The following ZNF362 variants were observed in gnomAD, a reference collection of about 807,000 sequenced individuals.
ZNF362 encodes rotund homolog.
ZNF362 carries 11 observed loss-of-function variants against 42.9 expected under a neutral mutation model. That is an observed-to-expected ratio of 0.26 (90% CI 0.16 to 0.42). ZNF362 has a LOEUF of 0.42. ZNF362 is among the 20% of genes least tolerant of loss of function. ZNF362 has a pLI of 1.00. For missense variants in ZNF362, 362 were observed against 576.2 expected, an observed-to-expected ratio of 0.63 and a Z score of 3.81; for synonymous variants, 255 against 257.3, an observed-to-expected ratio of 0.99 and a Z score of 0.09.
the ZNF362 span, among the ~76,000 whole-genome samples, chr1:33,196,646 C>T: frequency 6.6e-6 from 1 of 152,006 alleles, no homozygotes; most frequent in Non-Finnish European, 1.5e-5. Context: ...AGAAGGAGTA[C>T]ACTTTAAAAT....
the ZNF362 span, among the ~76,000 whole-genome samples, chr1:33,249,446 C>A: frequency 6.6e-6 from 1 of 152,204 alleles, no homozygotes; most frequent in Admixed American, 6.5e-5. Context: ...TCCTGCTCAG[C>A]TCATGGACAG....
chr1:33,249,138 G>T, the ZNF362 span, among the ~76,000 whole-genome samples: 44 of 152,258 alleles, frequency 2.9e-4, no homozygotes, highest in Non-Finnish European at 5.6e-4. Context: ...ATGGTAGAAG[G>T]TCACCCTCAG....
rs541274990 is a variant in ZNF362 at position 33,266,606 on chromosome 1, C to T, written c.-88-3881C>T. Among the ~76,000 whole-genome samples, 1 of 152,276 alleles carries T rather than the reference C, an allele frequency of 6.6e-6. No individual in the cohort carries two copies. The highest frequency in any genetic ancestry group is 2.1e-4 in the South Asian group (1 of 4,828). ...TTGGGGTAGGGGTTGTAACTAAGAA[C>T]CAGACCAAGCCCTGCTTTTGGGGAG... On this transcript the variant is annotated intron_variant, in intron 1 of 8. Coordinates refer to ENST00000539719, the MANE Select transcript of ZNF362 (RefSeq NM_152493.3). This position sits in a 1 kb window ranked among gnomAD's most constrained non-coding sequence, Gnocchi z 4.3.
At chr1:33,256,841 G>GGCGGCGGCA (rs1465638945) in intron 1 of ZNF362, among the ~76,000 whole-genome samples, 187 bp downstream of exon 1, 1 of 147,632 alleles carries the variant, frequency 6.8e-6, no homozygotes, top group Non-Finnish European at 1.5e-5. Flanking sequence ...CGGCGGCGGC[G>GGCGGCGGCA]GCGGCAGCGG....
chr1:33,160,711 T>C, the ZNF362 span, among the ~76,000 whole-genome samples: 1 of 152,160 alleles, frequency 6.6e-6, no homozygotes, highest in Non-Finnish European at 1.5e-5. Context: ...GGCTGAAGTC[T>C]TTATTTTAAA....
intron 1 of ZNF362, chr1:33,261,794 G>A (rs1403008503): frequency 6.6e-6 from 1 of 152,250 alleles, no homozygotes; most frequent in African/African-American, 2.4e-5. Flanking sequence ...AACTGAAGTG[G>A]GAAGGGAGAG....
At chr1:33,255,978 C>T (rs377701180), upstream of ZNF362, among the ~76,000 whole-genome samples, 1 of 151,612 alleles carries the variant, frequency 6.6e-6, no homozygotes, top group African/African-American at 2.4e-5. Flanking sequence ...AGGCGGCCGC[C>T]GGGCCTGGGC....
At chr1:33,243,763 A>ATT in the ZNF362 span, among the ~76,000 whole-genome samples, 64 of 124,078 alleles carry the variant, frequency 5.2e-4, 1 homozygote, top group African/African-American at 1.1e-3. Context: ...CAACTGGCCA[A>ATT]TTTTTTTTTT....
the ZNF362 span, chr1:33,147,215 T>C: frequency 2.5e-6 from 4 of 1,613,874 alleles, no homozygotes; most frequent in African/African-American, 1.3e-5. The surrounding 1 kb of genome is among the most constrained non-coding windows in gnomAD (Gnocchi z 8.1). Flanking sequence ...GGCTGAACGT[T>C]CTTGCCATTG....
the ZNF362 span, among the ~76,000 whole-genome samples, chr1:33,221,920 G>A: frequency 6.6e-6 from 1 of 152,246 alleles, no homozygotes; most frequent in African/African-American, 2.4e-5. Flanking sequence ...TCCTCCATGG[G>A]TGGAGGATTA....
chr1:33,153,015 A>G, the ZNF362 span, among the ~76,000 whole-genome samples: 1,892 of 123,650 alleles, frequency 0.015, 36 homozygotes, highest in African/African-American at 0.054. Context: ...AGAGCTTCCT[A>G]ATGTTAGGCT....
the ZNF362 span, among the ~76,000 whole-genome samples, chr1:33,203,751 T>G: frequency 1.3e-5 from 2 of 152,246 alleles, no homozygotes; most frequent in African/African-American, 2.4e-5. Context: ...ATACACGTAT[T>G]GACCATTTTA....
the ZNF362 span, among the ~76,000 whole-genome samples, chr1:33,243,483 G>T: frequency 6.6e-6 from 1 of 151,958 alleles, no homozygotes; most frequent in Non-Finnish European, 1.5e-5. Flanking sequence ...ACCATACCTG[G>T]CCCCAAATCA....
At chr1:33,219,215 C>A in the ZNF362 span, among the ~76,000 whole-genome samples, 1 of 152,164 alleles carries the variant, frequency 6.6e-6, no homozygotes, top group Non-Finnish European at 1.5e-5. Context: ...CCTCAATTTC[C>A]CCATCTGTGA....
At chr1:33,157,385 T>G in the ZNF362 span, among the ~76,000 whole-genome samples, 2 of 152,152 alleles carry the variant, frequency 1.3e-5, no homozygotes, top group Non-Finnish European at 2.9e-5. Context: ...CCTACGTGGC[T>G]CACTCTTCTT....
At chr1:33,241,322 C>G in the ZNF362 span, among the ~76,000 whole-genome samples, 20 of 151,784 alleles carry the variant, frequency 1.3e-4, no homozygotes, top group African/African-American at 4.6e-4. Flanking sequence ...TGGCAAAACC[C>G]CATCTCTACT....
At chr1:33,257,426 C>CTTTCT (rs1159053421) in intron 1 of ZNF362, among the ~76,000 whole-genome samples, 138 of 136,926 alleles carry the variant, frequency 1.0e-3, no homozygotes, top group Admixed American at 3.2e-3. Flanking sequence ...TTCTTTCTTT[C>CTTTCT]TTTTTTTTTT....
the ZNF362 span, among the ~76,000 whole-genome samples, chr1:33,242,062 G>A: frequency 3.3e-3 from 504 of 152,278 alleles, no homozygotes; most frequent in African/African-American, 0.012. Context: ...AACAAATTCC[G>A]GGAAAGGCGA....
the ZNF362 span, among the ~76,000 whole-genome samples, chr1:33,192,958 CGT>C: frequency 3.5e-5 from 5 of 141,838 alleles, no homozygotes; most frequent in African/African-American, 1.1e-4. Context: ...GAAATATATA[CGT>C]ATATATATGT....
Sources: allele counts gnomAD v4.1 joint callset (sites outside exome capture counted in the v4.1 genomes callset), GRCh38; gene constraint gnomAD v4.1.1; non-coding constraint Gnocchi (gnomAD v3.1); transcripts MANE v1.5; gene names NCBI Gene and HGNC (gene_info 2026-07-23, HGNC 2026-07-21).